The following CTTN variants were observed in gnomAD, a reference collection of about 807,000 sequenced individuals.
CTTN encodes the protein src substrate cortactin.
A neutral mutation model predicts 84.0 loss-of-function variants in CTTN; 28 were observed. The ratio of observed to expected loss-of-function variants is 0.33; its 90% confidence interval spans 0.25 to 0.46. The LOEUF (loss-of-function observed/expected upper bound fraction) is 0.46, where lower values mean the gene tolerates loss of function less well. CTTN is among the 20% of genes least tolerant of loss of function. The probability of loss-of-function intolerance (pLI) is 1.00; values close to 1 mark genes in which losing one functional copy is unlikely to be tolerated. For missense variants in CTTN, 641 were observed against 723.8 expected, an observed-to-expected ratio of 0.89 and a Z score of 1.31; for synonymous variants, 301 against 288.8, an observed-to-expected ratio of 1.04 and a Z score of -0.43.
intron 5 of CTTN, chr11:70,410,446 T>G (rs1255094127): frequency 6.2e-6 from 1 of 161,430 alleles, no homozygotes; most frequent in Non-Finnish European, 1.4e-5. Context: ...TCGTGTAAAT[T>G]CGGCGCGTAC....
At chr11:70,434,613 A>T (rs1458696698) in intron 17 of CTTN, among the ~76,000 whole-genome samples, 1 of 151,926 alleles carries the variant, frequency 6.6e-6, no homozygotes, top group African/African-American at 2.4e-5. Flanking sequence ...CTCCATTCCC[A>T]TTTCAGCCAT....
Position 70,431,171 on chromosome 11 carries a change from CTGTT to C in CTTN, c.1177-14_1177-11del, listed in dbSNP as rs2058349648. 1.9e-6 allele frequency: 3 copies of C among 1,611,570 alleles called. No individual in the cohort carries two copies. The East Asian group carries it at 6.7e-5, about 36-fold the overall frequency. On this transcript the variant is annotated splice_polypyrimidine_tract_variant and intron_variant, in intron 14 of 17. Transcript: ENST00000301843. The stretch of plus-strand genomic sequence containing the variant: ...GAGTGTCATGGCAGCATTCTGATTG[CTGTT>C]TGTTTTCAATCACAGGAGCAAGCCA...
Position 70,417,066 on chromosome 11 carries a change from A to G in CTTN, c.511A>G (p.Lys171Glu), listed in dbSNP as rs767545353. ...TGGCGTGCAGGCCGACCGAGTAGAC[A>G]AGAGCGCGGTGGGCTTCGACTACCA... is the stretch of plus-strand genomic sequence containing the variant. ...KYGVQADRVDKSAVGFDYQGK... is the reference protein window; with the variant it reads ...KYGVQADRVDESAVGFDYQGK... Residue 171 changes from lysine to glutamate, a missense_variant, in exon 8 of 18, where the codon AAG becomes GAG. This residue lies in a region of CTTN where 284 missense variants were observed against 348.4 expected (regional missense o/e 0.82). Transcript: ENST00000301843. The G allele has an allele frequency of 1.2e-6, 2 of 1,614,120 alleles. No homozygotes were observed. Among genetic ancestry groups the G allele is most frequent in the Non-Finnish European group, 1.7e-6 (2 of 1,180,024 alleles).
chr11:70,436,032 G>C lies in CTTN; in HGVS notation c.*870G>C. The C allele has an allele frequency of 7.0e-7, 1 of 1,424,120 alleles. No individual in the cohort carries two copies. The highest frequency in any genetic ancestry group is 9.1e-7 in the Non-Finnish European group (1 of 1,095,322). The allele number at this position is 1,424,120 out of a possible 1,614,324, so 88.2% of individuals were successfully genotyped here. ...CACCGGGCAGCCTGGGGCGGTGTGT[G>C]TGCCATGTCACAGCATGGCCTCTCG... On this transcript the variant is annotated 3_prime_UTR_variant, in exon 18 of 18. Coordinates refer to ENST00000301843, the MANE Select transcript of CTTN (RefSeq NM_005231.4).
At chr11:70,420,914 C>T (rs1472783979) in intron 10 of CTTN, among the ~76,000 whole-genome samples, 1 of 152,222 alleles carries the variant, frequency 6.6e-6, no homozygotes, top group African/African-American at 2.4e-5. Context: ...GCCTGCAGTG[C>T]TCCTCATCCA....
chr11:70,428,108 C>T (rs896869300), intron 13 of CTTN, among the ~76,000 whole-genome samples: 3 of 151,104 alleles, frequency 2.0e-5, no homozygotes, highest in African/African-American at 4.9e-5. Context: ...AGACAGCCAC[C>T]GCCACAGTCC....
intron 9 of CTTN, 57 bp from the exon 10 acceptor site, chr11:70,420,343 A>G (rs1238265007): frequency 8.9e-7 from 1 of 1,122,418 alleles, no homozygotes; most frequent in Non-Finnish European, 1.4e-6. Context: ...CATACTTTCC[A>G]CCTGTGACCT....
In CTTN at chr11:70,401,956, GC is replaced by G. The variant is rs368547889; in HGVS notation, c.-97-3307del. Among the ~76,000 whole-genome samples, 67 of 152,238 alleles carry G rather than the reference GC, an allele frequency of 4.4e-4. 1 individual carries two copies. The highest frequency in any genetic ancestry group is 1.5e-3 in the African/African-American group (63 of 41,548). Reference sequence around the variant, plus strand: ...ACTTGAGGCCAGGAGTTGGAGATCAGCCTGGACCAACATAATGAAACCCCAT... The same window carrying G: ...ACTTGAGGCCAGGAGTTGGAGATCAGCTGGACCAACATAATGAAACCCCAT... On this transcript the variant is annotated intron_variant, in intron 1 of 17. Transcript: ENST00000301843.
chr11:70,402,958 T>C (rs888902332), intron 1 of CTTN, among the ~76,000 whole-genome samples: 3 of 152,186 alleles, frequency 2.0e-5, no homozygotes, highest in Non-Finnish European at 4.4e-5. Flanking sequence ...TTTTCAACAC[T>C]GTTGCTGAGA....
chr11:70,428,239 C>T (rs937995362), intron 13 of CTTN, among the ~76,000 whole-genome samples: 2 of 142,300 alleles, frequency 1.4e-5, no homozygotes, highest in Admixed American at 1.5e-4. Flanking sequence ...AATCTCGGCT[C>T]ACTGCAACCC....
Position 70,436,029 on chromosome 11 carries a change from T to C in CTTN, c.*867T>C, listed in dbSNP as rs1591456144. On this transcript the variant is annotated 3_prime_UTR_variant, in exon 18 of 18. Transcript: ENST00000301843. ...GGCCACCGGGCAGCCTGGGGCGGTG[T>C]GTGTGCCATGTCACAGCATGGCCTC... 1.5e-5 allele frequency: 22 copies of C among 1,425,760 alleles called. No individual in the cohort carries two copies. Among genetic ancestry groups the C allele is most frequent in the Non-Finnish European group, 1.9e-5 (21 of 1,096,216 alleles). The allele number at this position is 1,425,760 out of a possible 1,614,324, so 88.3% of individuals were successfully genotyped here.
chr11:70,433,594 G>A (rs749214815), intron 16 of CTTN, 53 bp from the exon 17 acceptor site: 3 of 1,333,508 alleles, frequency 2.2e-6, no homozygotes, highest in African/African-American at 2.9e-5. Flanking sequence ...TGAGAAGGCT[G>A]GGAACCTGTG....
intron 13 of CTTN, among the ~76,000 whole-genome samples, chr11:70,428,397 C>T (rs968575835): frequency 5.3e-5 from 8 of 152,052 alleles, no homozygotes; most frequent in African/African-American, 1.9e-4. Context: ...ATCTCTTGAC[C>T]TCGTGATCCG....
At position 70,434,900 on chromosome 11, in the gene CTTN, G is replaced by T. The variant is rs537183507; in HGVS notation, c.1517-126G>T. ...AGAGGCAGCAGGAGCCTCCGCGGTG[G>T]TCCGCATCTCTGCAGGGGGCATCTC... On this transcript the variant is annotated intron_variant, in intron 17 of 17. Coordinates refer to ENST00000301843, the MANE Select transcript of CTTN (RefSeq NM_005231.4). The T allele has an allele frequency of 8.6e-4, 846 of 986,468 alleles. 10 individuals are homozygous for T. In the African/African-American group the frequency reaches 0.012, roughly 14 times the overall value. 61.1% of individuals were successfully genotyped at this position (986,468 alleles called of 1,614,324 possible).
rs754697235 is a variant in CTTN at position 70,420,500 on chromosome 11, A to G, written c.780A>G (p.Glu260=). The change falls in exon 10 of 18, where the codon GAA becomes GAG. Residue 260 remains glutamate (E), a synonymous_variant. Transcript: ENST00000301843. ...WDHQEKLQLH[E]SQKDYKTGFG... is the part of the protein sequence containing the mutation. ...ACCAGGAGAAATTGCAGCTGCATGAATCCCAAAAAGGTACATTCACTCTGC... is the reference window on the plus strand; with the variant it reads ...ACCAGGAGAAATTGCAGCTGCATGAGTCCCAAAAAGGTACATTCACTCTGC... 8.7e-6 allele frequency: 14 copies of G among 1,613,314 alleles called. No homozygotes were observed. Among genetic ancestry groups the G allele is most frequent in the African/African-American group, 1.3e-5 (1 of 74,926 alleles).
chr11:70,403,491 G>A (rs1237905649), intron 1 of CTTN, among the ~76,000 whole-genome samples: 1 of 152,062 alleles, frequency 6.6e-6, no homozygotes, highest in South Asian at 2.1e-4. Flanking sequence ...CTGGCCAAGA[G>A]TTCTTTATAT....
intron 6 of CTTN, 67 bp downstream of exon 6, chr11:70,414,719 C>A: frequency 1.7e-6 from 2 of 1,174,424 alleles, no homozygotes; most frequent in South Asian, 1.3e-5. Flanking sequence ...AGATCTGAGC[C>A]CTGTTGGGCC....
At chr11:70,420,069 C>T (rs1221209788) in intron 9 of CTTN, 17 of 601,406 alleles carry the variant, frequency 2.8e-5, no homozygotes, top group Non-Finnish European at 3.8e-5. Flanking sequence ...GCCCCAGCGG[C>T]GTTGCTTATC....
intron 17 of CTTN, 88 bp downstream of exon 17, chr11:70,433,806 TTG>T (rs2058383273): frequency 2.3e-6 from 2 of 888,028 alleles, no homozygotes; most frequent in Admixed American, 3.5e-5. Context: ...TTCTCTAGCG[TTG>T]TTAGTTTTAG....
Sources: allele counts gnomAD v4.1 joint callset (sites outside exome capture counted in the v4.1 genomes callset), GRCh38; gene constraint gnomAD v4.1.1; regional missense constraint gnomAD v4.1.1; transcripts MANE v1.5; gene names NCBI Gene and HGNC (gene_info 2026-07-23, HGNC 2026-07-21).